HYCC2: variants seen among roughly 807,000 people sequenced by gnomAD.
HYCC2 encodes hyccin 2.
At chr2:200,981,867 A>G in the HYCC2 span, 2 of 1,594,392 alleles carry the variant, frequency 1.3e-6, no homozygotes, top group African/African-American at 2.7e-5. This position sits in a 1 kb window ranked among gnomAD's most constrained non-coding sequence, Gnocchi z 4.5. Flanking sequence ...TTACACCCTC[A>G]GCACCTAAGA....
the HYCC2 span, among the ~76,000 whole-genome samples, chr2:201,024,693 CAA>C: frequency 6.6e-6 from 1 of 151,926 alleles, no homozygotes; most frequent in African/African-American, 2.4e-5. Context: ...TAAAATGAAC[CAA>C]GAGAGTATAA....
the HYCC2 span, among the ~76,000 whole-genome samples, chr2:201,015,653 C>T: frequency 6.6e-6 from 1 of 152,150 alleles, no homozygotes; most frequent in Non-Finnish European, 1.5e-5. Flanking sequence ...CTGTTCAAAA[C>T]CCTCTAATTG....
At chr2:200,982,278 T>C in the HYCC2 span, among the ~76,000 whole-genome samples, 13 of 150,838 alleles carry the variant, frequency 8.6e-5, 1 homozygote, top group South Asian at 2.7e-3. Flanking sequence ...TAACCCACCA[T>C]AAGATGTGCA....
the HYCC2 span, among the ~76,000 whole-genome samples, chr2:201,051,129 C>T: frequency 3.3e-5 from 5 of 152,014 alleles, no homozygotes; most frequent in South Asian, 4.1e-4. Context: ...AGGCATATAA[C>T]GGCAGTTCAG....
the HYCC2 span, among the ~76,000 whole-genome samples, chr2:201,034,274 C>T: frequency 6.6e-6 from 1 of 152,106 alleles, no homozygotes; most frequent in South Asian, 2.1e-4. Context: ...AAAAGCTTAA[C>T]TAAATCTGGG....
chr2:201,060,668 C>T, the HYCC2 span, among the ~76,000 whole-genome samples: 1 of 152,164 alleles, frequency 6.6e-6, no homozygotes, highest in Admixed American at 6.6e-5. Context: ...AAATTAACTA[C>T]TTTAAGCAAT....
chr2:200,975,081 CTG>C, the HYCC2 span: 17 of 151,994 alleles, frequency 1.1e-4, no homozygotes, highest in Admixed American at 8.5e-4. Context: ...AGACCAGAAA[CTG>C]TGCTATGAGG....
the HYCC2 span, among the ~76,000 whole-genome samples, chr2:201,038,048 A>C: frequency 2.0e-5 from 3 of 152,210 alleles, no homozygotes; most frequent in Non-Finnish European, 4.4e-5. Context: ...ATTTACAAGA[A>C]AAAAACAAAC....
At chr2:201,009,964 C>T in the HYCC2 span, among the ~76,000 whole-genome samples, 4 of 151,778 alleles carry the variant, frequency 2.6e-5, no homozygotes, top group South Asian at 6.3e-4. Flanking sequence ...ATTAGCCGGG[C>T]GTGGTGGCAT....
chr2:200,991,942 C>CGG, the HYCC2 span, among the ~76,000 whole-genome samples: 1 of 147,946 alleles, frequency 6.8e-6, no homozygotes, highest in Admixed American at 6.8e-5. Context: ...ATGTCGGGGC[C>CGG]GGGGGGGGAG....
chr2:200,981,177 C>A, the HYCC2 span: 2 of 1,416,004 alleles, frequency 1.4e-6, no homozygotes, highest in Non-Finnish European at 1.9e-6. This position sits in a 1 kb window ranked among gnomAD's most constrained non-coding sequence, Gnocchi z 4.5. Context: ...ATAACAGTGA[C>A]CAATATTTTC....
At chr2:201,017,914 T>A in the HYCC2 span, among the ~76,000 whole-genome samples, 7 of 152,144 alleles carry the variant, frequency 4.6e-5, no homozygotes, top group Admixed American at 1.3e-4. Flanking sequence ...CATTCCATTT[T>A]AAAAAAACTT....
the HYCC2 span, chr2:200,981,892 G>C: frequency 1.5e-5 from 24 of 1,573,702 alleles, no homozygotes; most frequent in Admixed American, 2.8e-4. This position sits in a 1 kb window ranked among gnomAD's most constrained non-coding sequence, Gnocchi z 4.5. Context: ...AAATCAGACA[G>C]ACTCAGCAAT....
chr2:200,987,548 T>C, the HYCC2 span: 6 of 1,288,724 alleles, frequency 4.7e-6, no homozygotes, highest in East Asian at 5.5e-5. Flanking sequence ...ATTCAACATA[T>C]AACATTTTAG....
the HYCC2 span, chr2:201,022,139 C>G: frequency 7.9e-7 from 1 of 1,267,662 alleles, no homozygotes; most frequent in Non-Finnish European, 1.0e-6. Context: ...AGCTACTTTC[C>G]TGTGTGTTCC....
At chr2:201,019,775 T>C in the HYCC2 span, among the ~76,000 whole-genome samples, 5 of 149,794 alleles carry the variant, frequency 3.3e-5, no homozygotes, top group Non-Finnish European at 7.4e-5. Flanking sequence ...AAAAGAAAAA[T>C]TGCCAATGCT....
chr2:201,039,605 T>C, the HYCC2 span, among the ~76,000 whole-genome samples: 1 of 152,314 alleles, frequency 6.6e-6, no homozygotes, highest in South Asian at 2.1e-4. Context: ...ACTGAGATAA[T>C]TGTTCATTTC....
chr2:201,032,593 T>C, the HYCC2 span, among the ~76,000 whole-genome samples: 1 of 152,238 alleles, frequency 6.6e-6, no homozygotes, highest in African/African-American at 2.4e-5. Context: ...GTGGTTTTTA[T>C]ATTTTGATGC....
the HYCC2 span, among the ~76,000 whole-genome samples, chr2:201,029,784 TG>T: frequency 6.6e-6 from 1 of 151,628 alleles, no homozygotes; most frequent in Non-Finnish European, 1.5e-5. Context: ...TGTCATGAGG[TG>T]GGGGGATGGG....
Sources: gnomAD v4.1 joint callset for allele counts (sites outside exome capture counted in the v4.1 genomes callset) on GRCh38, gnomAD v4.1.1 for gene constraint, Gnocchi (gnomAD v3.1) non-coding constraint, MANE v1.5 for transcripts, NCBI Gene and HGNC (gene_info 2026-07-23, HGNC 2026-07-21) for gene names.